Variants in LRRC4C observed in about 807,000 individuals in gnomAD.
LRRC4C encodes the protein leucine rich repeat containing 4C.
Under a neutral mutation model 33.6 loss-of-function variants are expected in LRRC4C, and 5 were observed. That is an observed-to-expected ratio of 0.15 (90% CI 0.08 to 0.31). The LOEUF is 0.31. Ranked by LOEUF, LRRC4C falls within the 10% of genes least tolerant of loss-of-function variation. The pLI is 1.00. For missense variants in LRRC4C, 560 were observed against 796.7 expected, an observed-to-expected ratio of 0.70 and a Z score of 3.58; for synonymous variants, 329 against 302.0, an observed-to-expected ratio of 1.09 and a Z score of -0.93.
chr11:40,360,909 T>C (rs576190599), intron 3 of LRRC4C, among the ~76,000 whole-genome samples: 3 of 152,268 alleles, frequency 2.0e-5, no homozygotes, highest in African/African-American at 7.2e-5. Flanking sequence ...CATGATAAAA[T>C]AGGCTTCATC....
At chr11:40,363,765 C>A (rs915800582) in intron 3 of LRRC4C, among the ~76,000 whole-genome samples, 1 of 152,154 alleles carries the variant, frequency 6.6e-6, no homozygotes, top group African/African-American at 2.4e-5. Context: ...GTAATGGCAT[C>A]TCCACCAATG....
At chr11:40,728,982 G>T (rs1947426189) in intron 2 of LRRC4C, among the ~76,000 whole-genome samples, 1 of 150,684 alleles carries the variant, frequency 6.6e-6, no homozygotes, top group African/African-American at 2.4e-5. Flanking sequence ...CACAGATAGA[G>T]GGAGGGTGGG....
intron 1 of LRRC4C, among the ~76,000 whole-genome samples, chr11:41,185,811 A>G (rs779499887): frequency 4.6e-5 from 7 of 152,200 alleles, no homozygotes; most frequent in Admixed American, 2.6e-4. Context: ...GTCACAAATT[A>G]AAAGACCAAC....
intron 3 of LRRC4C, among the ~76,000 whole-genome samples, chr11:40,530,626 A>T (rs1287242942): frequency 1.3e-5 from 2 of 152,186 alleles, no homozygotes; most frequent in Non-Finnish European, 1.5e-5. Context: ...GTAGCAACTC[A>T]TGGATTTGCT....
At chr11:41,346,163 A>G (rs12280088) in intron 1 of LRRC4C, among the ~76,000 whole-genome samples, 29,911 of 152,114 alleles carry the variant, frequency 0.2, 3,244 homozygotes, top group East Asian at 0.45. Context: ...GGCTTGGCCA[A>G]GCACCAAAAC....
At position 40,934,274 on chromosome 11, in the gene LRRC4C, ATC is replaced by A. The variant is rs771055070; in HGVS notation, c.-495-553_-495-552del. 1.8e-4 allele frequency among the ~76,000 whole-genome samples: 28 copies of A among 152,174 alleles called. No homozygotes were observed. The South Asian group carries it at 2.5e-3, about 14-fold the overall frequency. On this transcript the variant is annotated intron_variant, in intron 1 of 6. Transcript: ENST00000528697. ...CCTCTGAAGTAGCCAATCAAAACTA[ATC>A]TCTACCTCATCCGTAATCCCACAGA... is the stretch of plus-strand genomic sequence containing the variant.
At chr11:40,740,396 C>A (rs1444805188) in intron 2 of LRRC4C, among the ~76,000 whole-genome samples, 1 of 151,954 alleles carries the variant, frequency 6.6e-6, no homozygotes, top group African/African-American at 2.4e-5. Flanking sequence ...TTTTAACCTT[C>A]ACTGTTGTTG....
intron 3 of LRRC4C, among the ~76,000 whole-genome samples, chr11:40,422,201 C>G (rs1376914158): frequency 6.6e-6 from 1 of 152,024 alleles, no homozygotes; most frequent in African/African-American, 2.4e-5. Flanking sequence ...CCGTAATAAC[C>G]ATCACAAGAA....
At chr11:40,272,705 T>C (rs1363624688) in intron 4 of LRRC4C, among the ~76,000 whole-genome samples, 1 of 152,162 alleles carries the variant, frequency 6.6e-6, no homozygotes, top group Non-Finnish European at 1.5e-5. Context: ...AAATGATAAT[T>C]TCAATGAAAC....
chr11:41,036,435 T>C (rs1249720126), intron 1 of LRRC4C, among the ~76,000 whole-genome samples: 2 of 152,190 alleles, frequency 1.3e-5, no homozygotes, highest in African/African-American at 2.4e-5. Flanking sequence ...GAACTGTTAC[T>C]TCATTTTAAG....
At chr11:41,423,812 T>G (rs1446038869) in intron 1 of LRRC4C, 2 of 152,078 alleles carry the variant, frequency 1.3e-5, no homozygotes, top group East Asian at 3.9e-4. Context: ...GTAGGATGGC[T>G]AGGTCCATCT....
intron 1 of LRRC4C, among the ~76,000 whole-genome samples, chr11:41,352,454 G>A (rs1452391230): frequency 6.6e-6 from 1 of 152,054 alleles, no homozygotes; most frequent in Admixed American, 6.6e-5. Context: ...GTGTTTGACA[G>A]ATCATCAATG....
chr11:40,951,874 T>C (rs537583275), intron 1 of LRRC4C, among the ~76,000 whole-genome samples: 1 of 152,132 alleles, frequency 6.6e-6, no homozygotes, highest in Admixed American at 6.6e-5. Context: ...AATCAGTCTG[T>C]CTCAGATTGA....
At chr11:41,052,554 A>G (rs927731647) in intron 1 of LRRC4C, among the ~76,000 whole-genome samples, 1 of 152,076 alleles carries the variant, frequency 6.6e-6, no homozygotes, top group African/African-American at 2.4e-5. Flanking sequence ...ATATTTAAGT[A>G]GTAAATCTAG....
At chr11:41,095,089 G>C (rs1940722870) in intron 1 of LRRC4C, among the ~76,000 whole-genome samples, 1 of 152,176 alleles carries the variant, frequency 6.6e-6, no homozygotes, top group Admixed American at 6.5e-5. Context: ...ATCAACAAAA[G>C]AGGTTTAATT....
At chr11:40,762,240 T>G (rs947869085) in intron 2 of LRRC4C, among the ~76,000 whole-genome samples, 3 of 152,192 alleles carry the variant, frequency 2.0e-5, no homozygotes, top group Non-Finnish European at 2.9e-5. Flanking sequence ...GTTTGTCATA[T>G]CTTGCAGCAT....
At chr11:41,378,958 T>C (rs1053177257) in intron 1 of LRRC4C, among the ~76,000 whole-genome samples, 3 of 151,862 alleles carry the variant, frequency 2.0e-5, no homozygotes, top group Non-Finnish European at 4.4e-5. Flanking sequence ...TTTTTTCATA[T>C]TGTCTTGATT....
intron 3 of LRRC4C, among the ~76,000 whole-genome samples, chr11:40,548,150 T>C (rs141316566): frequency 1.0e-3 from 155 of 152,104 alleles, no homozygotes; most frequent in Non-Finnish European, 1.8e-3. Context: ...AAAAAATCAC[T>C]GAAGAAAATA....
At chr11:41,423,430 T>C (rs1324890061) in intron 1 of LRRC4C, among the ~76,000 whole-genome samples, 1 of 152,092 alleles carries the variant, frequency 6.6e-6, no homozygotes, top group African/African-American at 2.4e-5. Context: ...TCTAAAAGTA[T>C]TGAAGCAGAT....
Sources: allele counts gnomAD v4.1 joint callset (sites outside exome capture counted in the v4.1 genomes callset), GRCh38; gene constraint gnomAD v4.1.1; transcripts MANE v1.5; gene names NCBI Gene and HGNC (gene_info 2026-07-23, HGNC 2026-07-21).